Variants in SLC41A3 observed in about 807,000 individuals in gnomAD.
SLC41A3 encodes the protein SLC41A1-like 2.
SLC41A3 carries 44 observed loss-of-function variants against 45.4 expected under a neutral mutation model. The ratio of observed to expected loss-of-function variants is 0.97; its 90% CI spans 0.76 to 1.25. The LOEUF (loss-of-function observed/expected upper bound fraction) is 1.25. Ranked by LOEUF, SLC41A3 falls within the 50% of genes most tolerant of loss-of-function variation. The pLI, the probability that SLC41A3 is intolerant of heterozygous loss-of-function variation, is 0.00. For missense variants in SLC41A3, 550 were observed against 600.6 expected (o/e 0.92, Z 0.88); for synonymous variants, 256 against 252.4 (o/e 1.01, Z -0.13).
At chr3:126,055,944 C>T (rs1943630896) in intron 2 of SLC41A3, among the ~76,000 whole-genome samples, 1 of 152,136 alleles carries the variant, frequency 6.6e-6, no homozygotes, top group African/African-American at 2.4e-5. Flanking sequence ...GTCATCTGGT[C>T]CTCACAATTC....
intron 1 of SLC41A3, among the ~76,000 whole-genome samples, chr3:126,090,935 A>G (rs190281296): frequency 1.2e-4 from 18 of 152,248 alleles, no homozygotes; most frequent in Admixed American, 5.2e-4. Context: ...GTGAGGGGCC[A>G]TGTTCTCTGG....
chr3:126,022,650 C>T, intron 6 of SLC41A3, 136 bp downstream of exon 6: 1 of 1,145,068 alleles, frequency 8.7e-7, no homozygotes, highest in South Asian at 1.5e-5. Flanking sequence ...GTTTCCAACA[C>T]ATGAAATGTG....
chr3:126,056,379 G>A (rs933799477), intron 2 of SLC41A3: 1 of 1,614,150 alleles, frequency 6.2e-7, no homozygotes, highest in East Asian at 2.2e-5. Context: ...TCATCACCAG[G>A]CCGGCTGTCA....
chr3:126,045,295 AAAAT>A (rs931446263), intron 3 of SLC41A3, among the ~76,000 whole-genome samples: 1 of 151,906 alleles, frequency 6.6e-6, no homozygotes, highest in Non-Finnish European at 1.5e-5. Flanking sequence ...AGGGATAAAT[AAAAT>A]AGAGAACAGA....
intron 1 of SLC41A3, among the ~76,000 whole-genome samples, chr3:126,071,142 T>A: frequency 6.6e-6 from 1 of 152,078 alleles, no homozygotes; most frequent in East Asian, 1.9e-4. Context: ...CAGACATAAA[T>A]CCCATCTTAT....
intron 2 of SLC41A3, among the ~76,000 whole-genome samples, chr3:126,060,817 C>G (rs2107975684): frequency 6.6e-6 from 1 of 152,328 alleles, no homozygotes; most frequent in East Asian, 1.9e-4. Flanking sequence ...CCAGCGGTTT[C>G]TGTGTGACCT....
upstream of SLC41A3, chr3:126,084,562 C>G (rs1945334424): frequency 6.6e-6 from 1 of 152,178 alleles, no homozygotes; most frequent in East Asian, 1.9e-4. Context: ...CTTTCGTTTT[C>G]CCTTTTTTCC....
chr3:126,035,353 G>A (rs1942105924), intron 3 of SLC41A3, among the ~76,000 whole-genome samples: 1 of 152,160 alleles, frequency 6.6e-6, no homozygotes, highest in Admixed American at 6.5e-5. Flanking sequence ...GACCAAGCTG[G>A]TGATGAGGAG....
intron 7 of SLC41A3, among the ~76,000 whole-genome samples, chr3:126,016,469 T>G (rs1299475415): frequency 2.6e-5 from 4 of 152,230 alleles, no homozygotes; most frequent in African/African-American, 7.2e-5. Context: ...GGCCCCAGCT[T>G]TGGCTCTTCC....
Position 126,068,256 on chromosome 3 carries a change from G to C in SLC41A3, c.-27-10C>G. ...TGGGCGCCTGGCAGCCCTACAGTGGGAGACACAAAGTTGTAGGGCCAAGTT... is the reference window on the plus strand; with the variant it reads ...TGGGCGCCTGGCAGCCCTACAGTGGCAGACACAAAGTTGTAGGGCCAAGTT... On this transcript the variant is annotated splice_polypyrimidine_tract_variant and intron_variant, in intron 1 of 10. Coordinates refer to ENST00000360370, the MANE Select transcript of SLC41A3 (RefSeq NM_017836.4). 1 of 1,483,346 alleles carries C rather than the reference G, an allele frequency of 6.7e-7. No individual in the cohort carries two copies. The highest frequency in any genetic ancestry group is 8.9e-7 in the Non-Finnish European group (1 of 1,118,556). The allele number at this position is 1,483,346 out of a possible 1,614,324, so 91.9% of individuals were successfully genotyped here.
intron 1 of SLC41A3, among the ~76,000 whole-genome samples, chr3:126,068,954 G>A (rs1944486280): frequency 6.6e-6 from 1 of 152,160 alleles, no homozygotes; most frequent in East Asian, 1.9e-4. Context: ...TATAGGCACA[G>A]TGGCTACCAG....
intron 3 of SLC41A3, among the ~76,000 whole-genome samples, chr3:126,044,882 C>A (rs1192942812): frequency 2.0e-5 from 2 of 101,086 alleles, no homozygotes; most frequent in African/African-American, 4.1e-5. Context: ...GGCGACAGAG[C>A]GAGACTCCAT....
At chr3:126,012,558 G>T in intron 9 of SLC41A3, 57 bp downstream of exon 9, 1 of 1,602,560 alleles carries the variant, frequency 6.2e-7, no homozygotes, top group Non-Finnish European at 8.5e-7. Flanking sequence ...CAATGACACC[G>T]ATGTTTTCTT....
At chr3:126,052,001 G>A (rs1316044793) in intron 2 of SLC41A3, among the ~76,000 whole-genome samples, 1 of 152,164 alleles carries the variant, frequency 6.6e-6, no homozygotes, top group Admixed American at 6.5e-5. Flanking sequence ...TTGACCAGGC[G>A]TGAAGGTGAA....
At position 126,012,640 on chromosome 3, in the gene SLC41A3, G is replaced by A. The variant is rs755821752; in HGVS notation, c.1080C>T (p.Asn360=). Residue 360 remains asparagine, a synonymous_variant, in exon 9 of 11, where the codon AAC becomes AAT. Transcript: ENST00000360370. ...CTGACGTGCAGAAAGTAGAACACGG[G>A]TTGGGCCAGAATTTCTTCATCTGGA... ...LPLQMKKFWP[N]PCSTFCTSEI... The A allele has an allele frequency of 1.9e-6, 3 of 1,614,208 alleles. No individual in the cohort carries two copies. The highest frequency in any genetic ancestry group is 1.7e-5 in the Admixed American group (1 of 60,036).
intron 4 of SLC41A3, among the ~76,000 whole-genome samples, chr3:126,027,030 C>T (rs747215360): frequency 1.3e-5 from 2 of 152,172 alleles, no homozygotes; most frequent in South Asian, 2.1e-4. Context: ...ATCTGGACAT[C>T]GACACTGGCA....
chr3:126,085,875 A>G (rs769819713), upstream of SLC41A3, among the ~76,000 whole-genome samples: 34 of 152,148 alleles, frequency 2.2e-4, no homozygotes, highest in Admixed American at 6.5e-4. Flanking sequence ...GAAATCCCCA[A>G]CAAAAATTAA....
chr3:126,018,264 C>T (rs1224108414), intron 6 of SLC41A3, among the ~76,000 whole-genome samples: 1 of 152,156 alleles, frequency 6.6e-6, no homozygotes, highest in Admixed American at 6.5e-5. Context: ...CACGGTACAG[C>T]CTGGGGCAGA....
At chr3:126,061,813 T>G (rs1470741668) in intron 2 of SLC41A3, among the ~76,000 whole-genome samples, 1 of 152,116 alleles carries the variant, frequency 6.6e-6, no homozygotes, top group Non-Finnish European at 1.5e-5. Context: ...CCAGTTGGGA[T>G]GCAACTGCAA....
Sources: gnomAD v4.1 joint callset for allele counts (sites outside exome capture counted in the v4.1 genomes callset) on GRCh38, gnomAD v4.1.1 for gene constraint, MANE v1.5 for transcripts, NCBI Gene and HGNC (gene_info 2026-07-23, HGNC 2026-07-21) for gene names.